Variants in GULP1 observed in about 807,000 individuals in gnomAD.
GULP1 encodes PTB domain-containing engulfment adapter protein 1.
A neutral mutation model predicts 40.9 loss-of-function variants in GULP1; 19 were observed. The observed-to-expected ratio is 0.46, with a 90% CI of 0.32 to 0.68. GULP1 has a LOEUF of 0.68. Among genes scored for constraint, GULP1 ranks in the 30% least tolerant of loss-of-function variants. GULP1 has a pLI of 0.03. For missense variants in GULP1, 312 were observed against 362.2 expected, an observed-to-expected ratio of 0.86 and a Z score of 1.12; for synonymous variants, 119 against 117.6, an observed-to-expected ratio of 1.01 and a Z score of -0.08.
intron 4 of GULP1, among the ~76,000 whole-genome samples, chr2:188,521,512 GC>G (rs2065775733): frequency 2.6e-5 from 4 of 152,216 alleles, no homozygotes; most frequent in Middle Eastern, 3.4e-3. Context: ...TAAAATCATG[GC>G]AGAAGATGAA....
chr2:188,404,259 C>G (rs897317989), intron 2 of GULP1, among the ~76,000 whole-genome samples: 2 of 152,142 alleles, frequency 1.3e-5, no homozygotes, highest in African/African-American at 2.4e-5. Context: ...CTTGCTCCCC[C>G]ACTGAAATAA....
rs928811616 is a variant in GULP1 at position 188,393,656 on chromosome 2, T to G, written c.-45+9767T>G. ...TACTTTGTTTTCTTCTTTGTTATTG[T>G]TTTTTAAGCACCTTGAGTTTTATGC... On this transcript the variant is annotated intron_variant, in intron 2 of 11. Coordinates refer to ENST00000409830, the MANE Select transcript of GULP1 (RefSeq NM_016315.4). 2.0e-5 allele frequency among the ~76,000 whole-genome samples: 3 copies of G among 152,172 alleles called. No homozygotes were observed. The South Asian group carries it at 6.2e-4, about 31-fold the overall frequency.
intron 1 of GULP1, among the ~76,000 whole-genome samples, chr2:188,376,508 C>T (rs921443906): frequency 2.0e-5 from 3 of 152,078 alleles, no homozygotes; most frequent in Non-Finnish European, 4.4e-5. Flanking sequence ...AAGAATAAAA[C>T]GTTCAAAGGC....
intron 2 of GULP1, among the ~76,000 whole-genome samples, chr2:188,413,900 T>C (rs1166263450): frequency 6.6e-6 from 1 of 152,134 alleles, no homozygotes; most frequent in Non-Finnish European, 1.5e-5. Context: ...TTTTAATGCA[T>C]TAAAATAAAG....
At chr2:188,310,343 A>G (rs1193571169) in intron 1 of GULP1, among the ~76,000 whole-genome samples, 1 of 152,224 alleles carries the variant, frequency 6.6e-6, no homozygotes, top group Admixed American at 6.5e-5. Context: ...ATTAGAGAAG[A>G]TGAAGGCCTG....
intron 1 of GULP1, among the ~76,000 whole-genome samples, chr2:188,325,414 C>T (rs970830389): frequency 1.6e-4 from 25 of 152,122 alleles, no homozygotes; most frequent in African/African-American, 6.0e-4. Flanking sequence ...CGTGTTAAGT[C>T]TAGCCAACTA....
At chr2:188,362,208 T>C (rs1191906378) in intron 1 of GULP1, among the ~76,000 whole-genome samples, 1 of 152,106 alleles carries the variant, frequency 6.6e-6, no homozygotes, top group African/African-American at 2.4e-5. Context: ...ATATTCCATG[T>C]AAAAGTGTTT....
At chr2:188,533,217 A>G (rs1688030741) in intron 6 of GULP1, among the ~76,000 whole-genome samples, 1 of 152,204 alleles carries the variant, frequency 6.6e-6, no homozygotes, top group African/African-American at 2.4e-5. Flanking sequence ...ATAGCGTATG[A>G]TACTGTAGAG....
chr2:188,412,416 C>T (rs1212524097), intron 2 of GULP1, among the ~76,000 whole-genome samples: 1 of 152,142 alleles, frequency 6.6e-6, no homozygotes, highest in Admixed American at 6.5e-5. Context: ...AACACTGTAA[C>T]TCTCTTCTTA....
intron 8 of GULP1, 83 bp from the exon 9 acceptor site, chr2:188,569,945 T>A: frequency 6.7e-6 from 4 of 599,318 alleles, no homozygotes; most frequent in Non-Finnish European, 5.9e-6. Context: ...TTTTACGTAA[T>A]ATAAATTCCT....
chr2:188,301,063 G>A (rs1419683353), intron 1 of GULP1, among the ~76,000 whole-genome samples: 2 of 152,012 alleles, frequency 1.3e-5, no homozygotes, highest in Admixed American at 6.6e-5. Context: ...CACCCAACCC[G>A]GAGTGCACTG....
chr2:188,340,488 T>A (rs1449246429), intron 1 of GULP1, among the ~76,000 whole-genome samples: 1 of 152,082 alleles, frequency 6.6e-6, no homozygotes, highest in Non-Finnish European at 1.5e-5. Flanking sequence ...GGAGCAAAAC[T>A]CTGTGTGGGT....
chr2:188,496,673 G>C (rs2062925237), intron 4 of GULP1, among the ~76,000 whole-genome samples: 1 of 151,904 alleles, frequency 6.6e-6, no homozygotes, highest in Non-Finnish European at 1.5e-5. Flanking sequence ...GCAAGTTAAA[G>C]GAGTAAAACA....
At chr2:188,355,335 T>C (rs992241113) in intron 1 of GULP1, among the ~76,000 whole-genome samples, 1 of 151,264 alleles carries the variant, frequency 6.6e-6, no homozygotes, top group East Asian at 1.9e-4. Context: ...AAATCAGAAA[T>C]GAAAAAGGAC....
chr2:188,567,725 C>T (rs1412976989), intron 7 of GULP1, among the ~76,000 whole-genome samples: 2 of 152,120 alleles, frequency 1.3e-5, no homozygotes, highest in Non-Finnish European at 2.9e-5. Context: ...TATAACTAAC[C>T]TGCACATTCT....
intron 9 of GULP1, among the ~76,000 whole-genome samples, chr2:188,581,432 G>C (rs1164630307): frequency 2.0e-5 from 3 of 152,134 alleles, no homozygotes; most frequent in Non-Finnish European, 4.4e-5. Flanking sequence ...CTGGCCTCTT[G>C]CTTATACTAT....
At chr2:188,563,728 A>G (rs1696937485) in intron 7 of GULP1, among the ~76,000 whole-genome samples, 1 of 151,826 alleles carries the variant, frequency 6.6e-6, no homozygotes, top group Admixed American at 6.6e-5. Flanking sequence ...CCAATTATAC[A>G]TAAACCTTTT....
intron 2 of GULP1, among the ~76,000 whole-genome samples, chr2:188,410,387 A>G (rs755562034): frequency 1.3e-5 from 2 of 152,202 alleles, no homozygotes; most frequent in African/African-American, 4.8e-5. Context: ...CAAGGAAACA[A>G]TCAACAAAGT....
intron 4 of GULP1, among the ~76,000 whole-genome samples, chr2:188,515,181 A>G (rs1481313145): frequency 1.3e-5 from 2 of 151,986 alleles, no homozygotes; most frequent in Non-Finnish European, 2.9e-5. Context: ...CAGCAGTGAC[A>G]TCTTGTAATT....
Sources: gnomAD v4.1 joint callset for allele counts (sites outside exome capture counted in the v4.1 genomes callset) on GRCh38, gnomAD v4.1.1 for gene constraint, MANE v1.5 for transcripts, NCBI Gene and HGNC (gene_info 2026-07-23, HGNC 2026-07-21) for gene names.